NCOR2: variants seen among roughly 807,000 people sequenced by gnomAD.
NCOR2 encodes nuclear receptor corepressor 2, also known as CTG repeat protein 26.
A neutral mutation model predicts 262.9 loss-of-function variants in NCOR2; 81 were observed. The ratio of observed to expected loss-of-function variants is 0.31; its 90% confidence interval spans 0.26 to 0.37. NCOR2 has a LOEUF of 0.37. NCOR2 is among the 10% of genes least tolerant of loss of function. The probability of loss-of-function intolerance (pLI) is 1.00; values close to 1 mark genes in which losing one functional copy is unlikely to be tolerated. For missense variants in NCOR2, 3,385 were observed against 3,621.4 expected, an observed-to-expected ratio of 0.93 and a Z score of 1.68; for synonymous variants, 1,659 against 1,559.3, an observed-to-expected ratio of 1.06 and a Z score of -1.51.
At chr12:124,509,178 T>C (rs2049235249) in intron 1 of NCOR2, among the ~76,000 whole-genome samples, 1 of 137,352 alleles carries the variant, frequency 7.3e-6, no homozygotes, top group African/African-American at 3.0e-5. Flanking sequence ...GCACCCTCAG[T>C]CCTGGGGTCT....
chr12:124,399,063 G>A (rs78185142), intron 15 of NCOR2, among the ~76,000 whole-genome samples: 2,541 of 152,288 alleles, frequency 0.017, 37 homozygotes, highest in Non-Finnish European at 0.024. Flanking sequence ...CTGGAACTGC[G>A]CCAGGGGGAG....
chr12:124,423,082 C>T (rs1283713716), intron 11 of NCOR2, among the ~76,000 whole-genome samples: 1 of 152,184 alleles, frequency 6.6e-6, no homozygotes, highest in East Asian at 1.9e-4. Context: ...GCCAAGGAGG[C>T]GGCAAGCATG....
chr12:124,452,937 A>G (rs540104052), intron 6 of NCOR2, among the ~76,000 whole-genome samples: 1 of 152,106 alleles, frequency 6.6e-6, no homozygotes, highest in South Asian at 2.1e-4. Context: ...CCTGGGAGGC[A>G]CTCACCAGCC....
At chr12:124,429,903 T>C (rs1331377193) in intron 9 of NCOR2, among the ~76,000 whole-genome samples, 197 bp from the exon 12 acceptor site, 1 of 152,178 alleles carries the variant, frequency 6.6e-6, no homozygotes, top group African/African-American at 2.4e-5. Flanking sequence ...CCAAACCCTG[T>C]GACATGGGCA....
rs545818633 is a variant in NCOR2 at position 124,457,794 on chromosome 12, C to T, written c.706-632G>A. ...GCCGCTCCATCAATAGGCTGGACCT[C>T]CGGGCCCCCACCCCGGCCCTCGGTG... is the stretch of plus-strand genomic sequence containing the variant. On this transcript the variant is annotated intron_variant, in intron 5 of 46. Coordinates refer to ENST00000405201, the Ensembl canonical transcript of NCOR2. The surrounding 1 kb of genome is among the most constrained non-coding windows in gnomAD (Gnocchi z 4.0). Among the ~76,000 whole-genome samples, 8 of 152,334 alleles carry T rather than the reference C, an allele frequency of 5.3e-5. No homozygotes were observed. Among genetic ancestry groups the T allele is most frequent in the African/African-American group, 1.9e-4 (8 of 41,584 alleles).
chr12:124,427,613 G>A (rs2043628837), intron 10 of NCOR2, among the ~76,000 whole-genome samples: 1 of 152,186 alleles, frequency 6.6e-6, no homozygotes, highest in Non-Finnish European at 1.5e-5. Context: ...GGTCAGGTCG[G>A]GTGCGGGGCA....
chr12:124,479,543 A>G (rs2047318748), intron 3 of NCOR2, among the ~76,000 whole-genome samples: 1 of 151,858 alleles, frequency 6.6e-6, no homozygotes, highest in African/African-American at 2.4e-5. Flanking sequence ...ACACACCCGC[A>G]CCCACACACA....
chr12:124,501,940 T>C (rs555504683), intron 1 of NCOR2, among the ~76,000 whole-genome samples: 20 of 152,344 alleles, frequency 1.3e-4, no homozygotes, highest in African/African-American at 3.8e-4. Context: ...GGGGGAACTC[T>C]GGGACAGCAG....
At chr12:124,348,143 C>T (rs1416122833) in intron 29 of NCOR2, 31 bp downstream of exon 31, 1 of 1,605,780 alleles carries the variant, frequency 6.2e-7, no homozygotes, top group African/African-American at 1.3e-5. Flanking sequence ...CCAGGGGGCA[C>T]CGAGAGATGA....
At chr12:124,403,414 G>A (rs1036351413) in intron 13 of NCOR2, among the ~76,000 whole-genome samples, 27 of 151,944 alleles carry the variant, frequency 1.8e-4, no homozygotes, top group Middle Eastern at 6.8e-3. Flanking sequence ...TGGGCCTACC[G>A]CCCCTCCCCT....
chr12:124,554,192 C>G (rs757967116), intron 1 of NCOR2, among the ~76,000 whole-genome samples: 2 of 152,226 alleles, frequency 1.3e-5, no homozygotes, highest in Non-Finnish European at 2.9e-5. Context: ...AGCCCTTTTG[C>G]GTCTCTTTCC....
At chr12:124,473,210 T>C in intron 3 of NCOR2, 79 bp from the exon 6 acceptor site, 2 of 1,513,516 alleles carry the variant, frequency 1.3e-6, no homozygotes, top group Middle Eastern at 2.3e-4. Flanking sequence ...TGGTTAATAC[T>C]GTCAACCTGA....
chr12:124,391,450 G>A (rs866089515), intron 16 of NCOR2, among the ~76,000 whole-genome samples: 18 of 152,136 alleles, frequency 1.2e-4, no homozygotes, highest in African/African-American at 3.4e-4. Flanking sequence ...GAACCCAGCC[G>A]TCTTGGGCCT....
exon 31 of NCOR2, chr12:124,346,637 G>A (rs765835703): frequency 3.1e-6 from 5 of 1,594,356 alleles, no homozygotes; most frequent in Non-Finnish European, 4.3e-6. Flanking sequence ...CTCCTCGCGC[G>A]GGATCTCATG....
Position 124,503,481 on chromosome 12 carries a change from G to GTAT in NCOR2, c.-117-8114_-117-8113insATA. Among the ~76,000 whole-genome samples the GTAT allele has an allele frequency of 6.9e-6, 1 of 145,740 alleles. No individual in the cohort carries two copies. The highest frequency in any genetic ancestry group is 2.8e-5 in the African/African-American group (1 of 36,242). On this transcript the variant is annotated intron_variant, in intron 1 of 46. Transcript: ENST00000404621. This position sits in a 1 kb window ranked among gnomAD's most constrained non-coding sequence, Gnocchi z 4.3. ...TGCATGGACTGATGGATGGATGGATGGATGATGGATTGATGGATGGATGGA... is the reference window on the plus strand; with the variant it reads ...TGCATGGACTGATGGATGGATGGATGTATGATGATGGATTGATGGATGGATGGA...
upstream of NCOR2, among the ~76,000 whole-genome samples, chr12:124,498,368 C>T (rs1169544335): frequency 6.6e-6 from 1 of 152,194 alleles, no homozygotes; most frequent in East Asian, 1.9e-4. Flanking sequence ...CTGGGATTTA[C>T]ACAGTGCCCA....
chr12:124,421,462 G>A (rs1188793969), intron 12 of NCOR2, among the ~76,000 whole-genome samples: 1 of 152,192 alleles, frequency 6.6e-6, no homozygotes, highest in African/African-American at 2.4e-5. Flanking sequence ...CTATTTATAG[G>A]GCTTGTTTCT....
intron 12 of NCOR2, among the ~76,000 whole-genome samples, chr12:124,420,302 G>T (rs1253962183): frequency 6.6e-6 from 1 of 152,212 alleles, no homozygotes; most frequent in African/African-American, 2.4e-5. Context: ...CTTGGGACGA[G>T]GCCTGGCCCA....
At chr12:124,417,204 G>A (rs2042945682) in intron 13 of NCOR2, among the ~76,000 whole-genome samples, 1 of 147,916 alleles carries the variant, frequency 6.8e-6, no homozygotes, top group African/African-American at 2.5e-5. Context: ...CTCACTCCAC[G>A]GACAGCAGGC....
Sources: allele counts gnomAD v4.1 joint callset (sites outside exome capture counted in the v4.1 genomes callset), GRCh38; gene constraint gnomAD v4.1.1; non-coding constraint Gnocchi (gnomAD v3.1); transcripts MANE v1.5; gene names NCBI Gene and HGNC (gene_info 2026-07-23, HGNC 2026-07-21).